COPS3: variants seen among roughly 807,000 people sequenced by gnomAD.
The protein encoded by COPS3 is COP9 signalosome complex subunit 3.
COPS3 carries 10 observed loss-of-function variants against 58.2 expected under a neutral mutation model. The observed-to-expected ratio is 0.17, with a 90% CI of 0.11 to 0.29. COPS3 has a LOEUF of 0.29. COPS3 is among the 10% of genes least tolerant of loss of function. COPS3 has a pLI of 1.00. For missense variants in COPS3, 333 were observed against 510.1 expected (o/e 0.65, Z 3.34); for synonymous variants, 187 against 181.7 (o/e 1.03, Z -0.24).
chr17:17,246,939 A>T lies in COPS3; in HGVS notation c.*159T>A. The stretch of plus-strand genomic sequence containing the variant: ...ATCTGTTTCCTTTCTTTGCAGAGAA[A>T]ATGGTTTTCTGAAAGCACACAGGAC... On this transcript the variant is annotated 3_prime_UTR_variant, in exon 12 of 12. Transcript: ENST00000268717. The T allele has an allele frequency of 1.6e-6, 1 of 644,056 alleles. No individual in the cohort carries two copies. Among genetic ancestry groups the T allele is most frequent in the South Asian group, 1.9e-5 (1 of 51,968 alleles). 39.9% of individuals were successfully genotyped at this position (644,056 alleles called of 1,614,324 possible).
At chr17:17,261,527 T>TAAAC in intron 7 of COPS3, 1 of 175,096 alleles carries the variant, frequency 5.7e-6, no homozygotes, top group Non-Finnish European at 9.6e-6. Context: ...ACTCCATTTC[T>TAAAC]AAATAAATAA....
intron 10 of COPS3, 32 bp downstream of exon 10, chr17:17,248,894 T>TA (rs1216092452): frequency 3.0e-6 from 4 of 1,342,950 alleles, no homozygotes; most frequent in East Asian, 2.3e-5. Flanking sequence ...AACCATCAAT[T>TA]AAAAAAATAA....
intron 10 of COPS3, among the ~76,000 whole-genome samples, chr17:17,248,122 G>C (rs980093257): frequency 6.6e-6 from 1 of 152,294 alleles, no homozygotes; most frequent in East Asian, 1.9e-4. Context: ...CACATAGGGA[G>C]AGATGTTTCC....
At chr17:17,259,167 T>TTCCTTGGCTCG (rs2048040216) in intron 8 of COPS3, among the ~76,000 whole-genome samples, 1 of 152,122 alleles carries the variant, frequency 6.6e-6, no homozygotes, top group African/African-American at 2.4e-5. Context: ...CCTATTCTGG[T>TTCCTTGGCTCG]TCCTTGGCTC....
intron 10 of COPS3, among the ~76,000 whole-genome samples, chr17:17,248,465 C>A (rs560068239): frequency 6.9e-4 from 105 of 152,280 alleles, no homozygotes; most frequent in Non-Finnish European, 1.8e-4. Context: ...CAGGCGTGCA[C>A]CACCACACCC....
Position 17,254,966 on chromosome 17 carries a change from T to G in COPS3, c.937-21A>C, listed in dbSNP as rs370124932. On this transcript the variant is annotated intron_variant, in intron 8 of 11. Transcript: ENST00000268717. ...AAGGTCTGAAAGTCAGAAGCAGAAT[T>G]AGTCACAGGTAGGAACAACGAAGGA... is the stretch of plus-strand genomic sequence containing the variant. 3.3e-6 allele frequency: 5 copies of G among 1,522,968 alleles called. No individual in the cohort carries two copies. The African/African-American group carries it at 4.1e-5, about 13-fold the overall frequency. 94.3% of individuals were successfully genotyped at this position (1,522,968 alleles called of 1,614,324 possible).
At chr17:17,253,367 T>C (rs1198901157) in intron 9 of COPS3, among the ~76,000 whole-genome samples, 4 of 152,170 alleles carry the variant, frequency 2.6e-5, no homozygotes, top group Non-Finnish European at 4.4e-5. Flanking sequence ...TGTAACTGAA[T>C]AGGTAGGTAG....
chr17:17,254,390 A>G (rs955292050), intron 9 of COPS3, among the ~76,000 whole-genome samples: 6 of 151,976 alleles, frequency 3.9e-5, no homozygotes, highest in South Asian at 2.1e-4. Flanking sequence ...AACTATAAGG[A>G]AACAGACCAA....
intron 1 of COPS3, among the ~76,000 whole-genome samples, chr17:17,278,407 A>G (rs1272686769): frequency 6.6e-6 from 1 of 152,222 alleles, no homozygotes; most frequent in Non-Finnish European, 1.5e-5. Context: ...GGTACTTTTG[A>G]TAATTTAACA....
chr17:17,275,094 AT>A (rs11372300), intron 2 of COPS3, among the ~76,000 whole-genome samples: 16,557 of 144,242 alleles, frequency 0.11, 1,099 homozygotes, highest in South Asian at 0.23. Flanking sequence ...GCAACAACTG[AT>A]TTTTTTTTTT....
At chr17:17,259,377 T>C (rs1053797079) in intron 8 of COPS3, among the ~76,000 whole-genome samples, 17 of 152,342 alleles carry the variant, frequency 1.1e-4, no homozygotes, top group African/African-American at 3.8e-4. Flanking sequence ...ATTTCATTTT[T>C]CATTATTTTT....
At chr17:17,251,723 A>G (rs111642874) in intron 9 of COPS3, among the ~76,000 whole-genome samples, 16 of 152,160 alleles carry the variant, frequency 1.1e-4, no homozygotes, top group Non-Finnish European at 2.2e-4. Context: ...GATTCCCAGA[A>G]AGAATGTGCT....
chr17:17,264,916 G>C lies in COPS3; in HGVS notation c.507C>G (p.Ile169Met). The change falls in exon 6 of 12, where the codon ATC (isoleucine) becomes ATG (methionine). Residue 169 changes from isoleucine to methionine, a missense_variant. Ile to Met is a conservative substitution (Grantham distance 10). Transcript: ENST00000268717. Reference protein sequence around the residue: ...LPYLDVDMMDICKENGAYDAK... With the variant: ...LPYLDVDMMDMCKENGAYDAK... ...CATCATAGGCTCCATTCTCTTTACA[G>C]ATATCCATCATATCCACGTCAAGAT... 1 of 1,613,796 alleles carries C rather than the reference G, an allele frequency of 6.2e-7. No individual in the cohort carries two copies. The highest frequency in any genetic ancestry group is 2.2e-5 in the East Asian group (1 of 44,874).
Position 17,270,985 on chromosome 17 carries a change from C to T in COPS3, c.209G>A (p.Ser70Asn), listed in dbSNP as rs370739274. 19 of 1,613,786 alleles carry T rather than the reference C, an allele frequency of 1.2e-5. No homozygotes were observed. The African/African-American group carries it at 2.4e-4, about 20-fold the overall frequency. Residue 70 changes from serine to asparagine, a missense_variant, in exon 3 of 12, where the codon AGT becomes AAT. Ser to Asn is a conservative substitution (Grantham distance 46). Transcript: ENST00000268717. ...AVLFVKFSMP[S>N]VPDFETLFSQ... is the part of the protein sequence containing the mutation. ...GAATAGCGTTTCGAAGTCAGGAACA[C>T]TGGGCATAGAAAACTTCACAAACCT...
intron 10 of COPS3, 46 bp from the exon 11 acceptor site, chr17:17,247,606 C>CA (rs2145179444): frequency 1.9e-6 from 3 of 1,572,094 alleles, no homozygotes; most frequent in East Asian, 4.5e-5. Context: ...GGGTTTAGGT[C>CA]AGCTGCATCC....
rs559155988 is a variant in COPS3 at position 17,257,091 on chromosome 17, C to T, written c.937-2146G>A. On this transcript the variant is annotated intron_variant, in intron 8 of 11. Coordinates refer to ENST00000268717, the MANE Select transcript of COPS3 (RefSeq NM_003653.4). ...AAAAAATGTAAAAGTAGGCCAGGCG[C>T]GGTGGCTCACACCTGTCATCTTAGC... Among the ~76,000 whole-genome samples, 25 of 152,230 alleles carry T rather than the reference C, an allele frequency of 1.6e-4. 1 individual carries two copies. In the South Asian group the frequency reaches 3.9e-3, roughly 24 times the overall value.
intron 8 of COPS3, among the ~76,000 whole-genome samples, chr17:17,257,904 C>A (rs891455062): frequency 3.3e-5 from 5 of 152,108 alleles, no homozygotes; most frequent in Non-Finnish European, 7.4e-5. Flanking sequence ...CCATCCCCAG[C>A]TGCCTTCCAT....
intron 7 of COPS3, 117 bp downstream of exon 7, chr17:17,261,849 T>A: frequency 1.2e-6 from 1 of 811,564 alleles, no homozygotes; most frequent in Non-Finnish European, 2.0e-6. Context: ...TCTGCTCACC[T>A]GAAGCTGCTA....
intron 9 of COPS3, among the ~76,000 whole-genome samples, chr17:17,249,411 C>T (rs1246207391): frequency 6.6e-6 from 1 of 152,234 alleles, no homozygotes; most frequent in East Asian, 1.9e-4. Context: ...GCAACCTCTA[C>T]CTCCGGGGTT....
Sources: allele counts gnomAD v4.1 joint callset (sites outside exome capture counted in the v4.1 genomes callset), GRCh38; gene constraint gnomAD v4.1.1; transcripts MANE v1.5; gene names NCBI Gene and HGNC (gene_info 2026-07-23, HGNC 2026-07-21).